TNRC18: variants seen among roughly 807,000 people sequenced by gnomAD.
The protein encoded by TNRC18 is trinucleotide repeat containing 18.
TNRC18 carries 69 observed loss-of-function variants against 226.7 expected under a neutral mutation model. That is an observed-to-expected ratio of 0.30 (90% CI 0.25 to 0.37). The LOEUF (loss-of-function observed/expected upper bound fraction) is 0.37. TNRC18 is among the 10% of genes least tolerant of loss of function. The pLI is 1.00. For missense variants in TNRC18, 4,754 were observed against 4,256.6 expected (o/e 1.12, Z -3.25); for synonymous variants, 2,449 against 1,927.6 (o/e 1.27, Z -7.09).
At chr7:5,362,382 A>C (rs1337724443) in intron 12 of TNRC18, among the ~76,000 whole-genome samples, 1 of 152,134 alleles carries the variant, frequency 6.6e-6, no homozygotes, top group Non-Finnish European at 1.5e-5. Flanking sequence ...CCAGAGCTAC[A>C]TGTGACCCTG....
At chr7:5,345,519 C>CCCCCCCCCCACCCCCCCCA in intron 18 of TNRC18, 43 bp downstream of exon 18, 1 of 174,076 alleles carries the variant, frequency 5.7e-6, no homozygotes, top group Non-Finnish European at 1.2e-5. Flanking sequence ...TGGCGTCCGC[C>CCCCCCCCCCACCCCCCCCA]CCTCCCACCC....
At chr7:5,359,321 G>A in intron 15 of TNRC18, 77 bp downstream of exon 15, 2 of 1,467,960 alleles carry the variant, frequency 1.4e-6, no homozygotes, top group South Asian at 2.3e-5. Context: ...GGCCTGCGAA[G>A]GGAGCGTGAA....
At position 5,350,157 on chromosome 7, in the gene TNRC18, G is replaced by C. The variant is rs114598711; in HGVS notation, c.5470+1662C>G. ...GGAGGAGGCCGGGGAGGGAGAAGGGGATCGTAAACTAACCCAGCTCATCCA... is the reference window on the plus strand; with the variant it reads ...GGAGGAGGCCGGGGAGGGAGAAGGGCATCGTAAACTAACCCAGCTCATCCA... On this transcript the variant is annotated intron_variant, in intron 17 of 29. Transcript: ENST00000430969. 9.8e-3 allele frequency among the ~76,000 whole-genome samples: 1,491 copies of C among 152,126 alleles called. 24 individuals are homozygous for C. The highest frequency in any genetic ancestry group is 0.034 in the African/African-American group (1,418 of 41,488).
chr7:5,310,985 C>T lies in TNRC18; in HGVS notation c.8388+1518G>A, dbSNP rs1787132187. Among the ~76,000 whole-genome samples, 3 of 151,650 alleles carry T rather than the reference C, an allele frequency of 2.0e-5. No individual in the cohort carries two copies. In the South Asian group the frequency reaches 6.2e-4, roughly 31 times the overall value. ...ACGTGTACTCGTGTGCATGCACGTG[C>T]ATGGATGCACGTGCACGCATGTATG... On this transcript the variant is annotated intron_variant, in intron 27 of 29. Coordinates refer to ENST00000430969, the MANE Select transcript of TNRC18 (RefSeq NM_001080495.3).
chr7:5,408,625 G>A (rs1038561897), intron 2 of TNRC18, among the ~76,000 whole-genome samples: 1 of 152,116 alleles, frequency 6.6e-6, no homozygotes, highest in Admixed American at 6.6e-5. Flanking sequence ...CTGAGTGACA[G>A]AATGAGACTC....
intron 22 of TNRC18, 182 bp from the exon 23 acceptor site, chr7:5,320,789 A>T: frequency 1.6e-6 from 1 of 636,530 alleles, no homozygotes; most frequent in Admixed American, 2.8e-5. Context: ...CATCTGTAGG[A>T]CTAGGGGTTG....
intron 13 of TNRC18, 26 bp downstream of exon 13, chr7:5,361,871 A>C: frequency 6.6e-7 from 1 of 1,526,214 alleles, no homozygotes; most frequent in South Asian, 1.2e-5. Context: ...CAGGGGCCCC[A>C]CGGGGCGGGC....
At chr7:5,372,134 C>T (rs1008293108) in intron 10 of TNRC18, among the ~76,000 whole-genome samples, 11 of 151,646 alleles carry the variant, frequency 7.3e-5, no homozygotes, top group Non-Finnish European at 1.5e-4. Context: ...GTGGCGCGAT[C>T]GCGGCTCACT....
intron 2 of TNRC18, among the ~76,000 whole-genome samples, chr7:5,419,566 G>T (rs1038745655): frequency 5.3e-5 from 8 of 152,228 alleles, no homozygotes; most frequent in African/African-American, 1.9e-4. Context: ...TTCCTCGGGG[G>T]TCCCCCGCGC....
rs139992196 is a variant in TNRC18 at position 5,333,485 on chromosome 7, G to A, written c.5720-436C>T. Among the ~76,000 whole-genome samples, 687 of 152,256 alleles carry A rather than the reference G, an allele frequency of 4.5e-3. 5 individuals are homozygous for A. The highest frequency in any genetic ancestry group is 0.016 in the African/African-American group (654 of 41,560). ...TCCCCCGTTCTTGGTGCTGCCTGTC[G>A]GAACTGGGTGGTCCCAGGAATCGTC... is the stretch of plus-strand genomic sequence containing the variant. On this transcript the variant is annotated intron_variant, in intron 18 of 29. Transcript: ENST00000430969.
rs1213896863 is a variant in TNRC18, at chr7:5,306,855, A to G, written c.*1251T>C. ...AAAAGATCACACAGAATTTGCCAAC[A>G]AACAAAATTCCAAAAGAAACATAAA... is the stretch of plus-strand genomic sequence containing the variant. On this transcript the variant is annotated 3_prime_UTR_variant, in exon 30 of 30. Transcript: ENST00000430969. 2 of 147,266 alleles carry G rather than the reference A, an allele frequency of 1.4e-5. No individual in the cohort carries two copies. The highest frequency in any genetic ancestry group is 3.0e-5 in the Non-Finnish European group (2 of 67,454). The allele number at this position is 147,266 out of a possible 1,614,324, so 9.1% of individuals were successfully genotyped here.
In TNRC18 at chr7:5,388,691, A is replaced by G; in HGVS notation, c.1133T>C (p.Val378Ala). 7.9e-7 allele frequency: 1 copy of G among 1,264,424 alleles called. No individual in the cohort carries two copies. The highest frequency in any genetic ancestry group is 2.1e-5 in the South Asian group (1 of 47,228). 78.3% of individuals were successfully genotyped at this position (1,264,424 alleles called of 1,614,324 possible). ...RVVAPTFVPS[V>A]EAFDERPGPI... is the part of the protein sequence containing the mutation. ...CCCCGGGCGCTCGTCGAAGGCCTCCACGGAAGGCACGAAGGTGGGCGCCAC... is the reference window on the plus strand; with the variant it reads ...CCCCGGGCGCTCGTCGAAGGCCTCCGCGGAAGGCACGAAGGTGGGCGCCAC... Residue 378 changes from valine to alanine, a missense_variant, in exon 5 of 30, where the codon GTG becomes GCG. Coordinates refer to ENST00000430969, the MANE Select transcript of TNRC18 (RefSeq NM_001080495.3).
At position 5,387,844 on chromosome 7, in the gene TNRC18, G is replaced by GCTCTCGGGC; in HGVS notation, c.1971_1979dup (p.Arg657_Glu659dup). 6.2e-7 allele frequency: 1 copy of GCTCTCGGGC among 1,604,498 alleles called. No individual in the cohort carries two copies. Reference sequence around the variant, plus strand: ...AGCCCTCGCGCCCGAAAGCTTTGGCGCTCTCGGGCCTCTCGGGGTCCCGCT... The same window carrying GCTCTCGGGC: ...AGCCCTCGCGCCCGAAAGCTTTGGCGCTCTCGGGCCTCTCGGGCCTCTCGGGGTCCCGCT... On this transcript the variant is annotated inframe_insertion, in exon 5 of 30. Coordinates refer to ENST00000430969, the MANE Select transcript of TNRC18 (RefSeq NM_001080495.3).
In TNRC18 at chr7:5,324,777, G is replaced by C. The variant is rs1306114891; in HGVS notation, c.6300+319C>G. ...GTGGACATGCCATCATCTGCCACTC[G>C]GGCAGATTCACCCAAGCCTGAGGGC... On this transcript the variant is annotated intron_variant, in intron 20 of 29. Transcript: ENST00000430969. The surrounding 1 kb of genome is among the most constrained non-coding windows in gnomAD (Gnocchi z 4.8). 6.6e-6 allele frequency among the ~76,000 whole-genome samples: 1 copy of C among 152,144 alleles called. No individual in the cohort carries two copies. The highest frequency in any genetic ancestry group is 1.9e-4 in the East Asian group (1 of 5,190).
intron 26 of TNRC18, among the ~76,000 whole-genome samples, chr7:5,314,140 TA>T (rs987914968): frequency 2.0e-4 from 30 of 150,228 alleles, no homozygotes; most frequent in Non-Finnish European, 3.2e-4. Flanking sequence ...TTTGTATTAT[TA>T]TTTTTTTTTT....
intron 2 of TNRC18, chr7:5,419,869 G>T (rs565715024): frequency 6.6e-6 from 1 of 152,430 alleles, no homozygotes; most frequent in Non-Finnish European, 1.5e-5. Context: ...TCCGCCGAGC[G>T]GGCGGGGCAA....
rs1180398480 is a variant in TNRC18 at position 5,388,906 on chromosome 7, C to T, written c.918G>A (p.Lys306=). 7.3e-7 allele frequency: 1 copy of T among 1,365,642 alleles called. No homozygotes were observed. The highest frequency in any genetic ancestry group is 1.4e-5 in the South Asian group (1 of 72,298). 84.6% of individuals were successfully genotyped at this position (1,365,642 alleles called of 1,614,324 possible). The change falls in exon 5 of 30, where the codon AAG becomes AAA. Residue 306 remains lysine, a synonymous_variant. Transcript: ENST00000430969. Reference sequence around the variant, plus strand: ...CGCCCTCGTCCTGCCGGGCAGCCTCCTTGGCACCCCCGCGCCCCGCTTCGG... The same window carrying T: ...CGCCCTCGTCCTGCCGGGCAGCCTCTTTGGCACCCCCGCGCCCCGCTTCGG... ...LVAEAGRGGA[K]EAARQDEGAR...
intron 27 of TNRC18, among the ~76,000 whole-genome samples, chr7:5,310,170 T>G (rs1363785841): frequency 6.6e-6 from 1 of 152,198 alleles, no homozygotes; most frequent in Non-Finnish European, 1.5e-5. Context: ...CCCAAAGAGC[T>G]GGGATTACAG....
At chr7:5,370,229 G>C in intron 11 of TNRC18, 146 bp downstream of exon 11, 4 of 959,180 alleles carry the variant, frequency 4.2e-6, no homozygotes, top group Non-Finnish European at 6.0e-6. Flanking sequence ...AGGCTGGGGA[G>C]GGAAGATCAC....
Sources: gnomAD v4.1 joint callset for allele counts (sites outside exome capture counted in the v4.1 genomes callset) on GRCh38, gnomAD v4.1.1 for gene constraint, Gnocchi (gnomAD v3.1) non-coding constraint, MANE v1.5 for transcripts, NCBI Gene and HGNC (gene_info 2026-07-23, HGNC 2026-07-21) for gene names.